The following TFDP2 variants were observed in gnomAD, a reference collection of about 807,000 sequenced individuals.
TFDP2 encodes transcription factor Dp-2 (E2F dimerization partner 2).
A neutral mutation model predicts 59.3 loss-of-function variants in TFDP2; 17 were observed. The observed-to-expected ratio is 0.29, with a 90% CI of 0.20 to 0.43. The LOEUF (loss-of-function observed/expected upper bound fraction) is 0.43, where lower values mean the gene tolerates loss of function less well. Among genes scored for constraint, TFDP2 ranks in the 20% least tolerant of loss-of-function variants. The pLI, the probability that TFDP2 is intolerant of heterozygous loss-of-function variation, is 1.00. For missense variants in TFDP2, 391 were observed against 528.8 expected, an observed-to-expected ratio of 0.74 and a Z score of 2.56; for synonymous variants, 180 against 194.7, an observed-to-expected ratio of 0.92 and a Z score of 0.63.
intron 4 of TFDP2, among the ~76,000 whole-genome samples, chr3:141,999,149 T>C (rs895952870): frequency 5.9e-5 from 9 of 152,156 alleles, no homozygotes; most frequent in African/African-American, 2.2e-4. Flanking sequence ...CTCCTCCCTC[T>C]TTCTCCTCCG....
At chr3:142,116,593 A>G (rs1342954940) in intron 1 of TFDP2, among the ~76,000 whole-genome samples, 2 of 152,132 alleles carry the variant, frequency 1.3e-5, no homozygotes, top group African/African-American at 4.8e-5. Context: ...TGTAGGAAAT[A>G]AGTTTCTGTT....
intron 3 of TFDP2, among the ~76,000 whole-genome samples, chr3:142,012,487 T>A (rs1241941274): frequency 6.6e-6 from 1 of 152,200 alleles, no homozygotes; most frequent in Non-Finnish European, 1.5e-5. Context: ...AGAACAATTC[T>A]ACATGTCCTG....
At chr3:142,127,496 A>G (rs1390145019) in intron 1 of TFDP2, among the ~76,000 whole-genome samples, 1 of 151,892 alleles carries the variant, frequency 6.6e-6, no homozygotes, top group Non-Finnish European at 1.5e-5. Flanking sequence ...TTGTAAAAAT[A>G]CAAATAATTT....
At chr3:142,093,792 T>C (rs1258737587) in intron 2 of TFDP2, among the ~76,000 whole-genome samples, 1 of 152,204 alleles carries the variant, frequency 6.6e-6, no homozygotes, top group African/African-American at 2.4e-5. Context: ...TCAAGCCTAC[T>C]AGGGGTTTGG....
chr3:141,994,469 G>C (rs1053626987), intron 5 of TFDP2: 6 of 151,992 alleles, frequency 3.9e-5, no homozygotes, highest in Non-Finnish European at 7.4e-5. Flanking sequence ...AGTGGAGAAA[G>C]GTATAAGTAT....
intron 3 of TFDP2, among the ~76,000 whole-genome samples, chr3:142,048,465 A>G (rs1456633741): frequency 6.6e-6 from 1 of 152,058 alleles, no homozygotes; most frequent in Admixed American, 6.6e-5. Context: ...GTAGAGGTAT[A>G]GTTTTCTAAA....
intron 8 of TFDP2, among the ~76,000 whole-genome samples, chr3:141,973,472 C>G (rs575040865): frequency 2.6e-5 from 4 of 152,104 alleles, no homozygotes; most frequent in African/African-American, 9.7e-5. Context: ...AGGGAACATG[C>G]TCATTTAGGA....
chr3:142,068,480 C>T (rs2060141739), intron 3 of TFDP2, among the ~76,000 whole-genome samples: 1 of 152,228 alleles, frequency 6.6e-6, no homozygotes, highest in South Asian at 2.1e-4. Context: ...TTTTCCACTA[C>T]CAGATAACCA....
intron 8 of TFDP2, among the ~76,000 whole-genome samples, chr3:141,972,664 C>T (rs565870853): frequency 3.3e-5 from 5 of 152,150 alleles, no homozygotes; most frequent in Non-Finnish European, 7.3e-5. Flanking sequence ...TAAAGCCCTC[C>T]CTCAGCCCTC....
Position 142,135,155 on chromosome 3 carries a change from C to G in TFDP2, c.-93+14028G>C, listed in dbSNP as rs370862372. On this transcript the variant is annotated intron_variant, in intron 1 of 12. Transcript: ENST00000489671. The stretch of plus-strand genomic sequence containing the variant: ...CATCGCCCAGGCTAGAAAGCAGTAG[C>G]TATACATAGGCAGGATCATAGCATA... Among the ~76,000 whole-genome samples the G allele has an allele frequency of 1.6e-4, 24 of 152,144 alleles. No individual in the cohort carries two copies. In the East Asian group the frequency reaches 3.7e-3, roughly 23 times the overall value.
chr3:141,974,043 C>T lies in TFDP2; in HGVS notation c.663+5G>A, dbSNP rs1417255526. ...AGCTATTCATAAACAGATTTTCTCA[C>T]TTACCTCCAGATTCTGACATTCCTG... On this transcript the variant is annotated splice_donor_5th_base_variant and intron_variant, in intron 8 of 12. Coordinates refer to ENST00000489671, the MANE Select transcript of TFDP2 (RefSeq NM_001178139.2). 8 of 1,607,638 alleles carry T rather than the reference C, an allele frequency of 5.0e-6. No individual in the cohort carries two copies. Among genetic ancestry groups the T allele is most frequent in the African/African-American group, 1.3e-5 (1 of 74,744 alleles).
intron 1 of TFDP2, among the ~76,000 whole-genome samples, chr3:142,147,006 C>T (rs1403256568): frequency 1.4e-5 from 2 of 147,672 alleles, no homozygotes. Flanking sequence ...GGGAGGATCA[C>T]TTGAGCCCAG....
intron 1 of TFDP2, among the ~76,000 whole-genome samples, chr3:142,142,574 G>C (rs1202418060): frequency 6.6e-6 from 1 of 152,194 alleles, no homozygotes; most frequent in Non-Finnish European, 1.5e-5. Context: ...AAATGGCAAT[G>C]ACATGCTTCA....
rs1935074346 is a variant in TFDP2, at chr3:141,944,856, T to C, written c.*7657A>G. 1 of 152,214 alleles carries C rather than the reference T, an allele frequency of 6.6e-6. No individual in the cohort carries two copies. Among genetic ancestry groups the C allele is most frequent in the Admixed American group, 6.5e-5 (1 of 15,270 alleles). The allele number at this position is 152,214 out of a possible 1,614,324, so 9.4% of individuals were successfully genotyped here. ...AAAATAATGGCATTTATTTACAAAGTCTGAGATACTACAAAATAATATATC... is the reference window on the plus strand; with the variant it reads ...AAAATAATGGCATTTATTTACAAAGCCTGAGATACTACAAAATAATATATC... On this transcript the variant is annotated 3_prime_UTR_variant, in exon 13 of 13. Coordinates refer to ENST00000489671, the MANE Select transcript of TFDP2 (RefSeq NM_001178139.2).
At chr3:142,111,128 T>C (rs1210336322) in intron 1 of TFDP2, among the ~76,000 whole-genome samples, 1 of 151,854 alleles carries the variant, frequency 6.6e-6, no homozygotes, top group Non-Finnish European at 1.5e-5. Flanking sequence ...GATGGAGACA[T>C]AAAAGATTCA....
Position 141,947,191 on chromosome 3 carries a change from A to C in TFDP2, c.*5322T>G, listed in dbSNP as rs959103305. On this transcript the variant is annotated 3_prime_UTR_variant, in exon 13 of 13. Transcript: ENST00000489671. ...ATGGCATGGTGCAGGCTCCTGATACATAGTGTGGGTCTTTGGGAAATGCAT... is the reference window on the plus strand; with the variant it reads ...ATGGCATGGTGCAGGCTCCTGATACCTAGTGTGGGTCTTTGGGAAATGCAT... The C allele has an allele frequency of 6.6e-6, 1 of 152,188 alleles. No homozygotes were observed. Among genetic ancestry groups the C allele is most frequent in the Non-Finnish European group, 1.5e-5 (1 of 68,046 alleles). 9.4% of individuals were successfully genotyped at this position (152,188 alleles called of 1,614,324 possible).
At chr3:141,969,965 G>T (rs1939463087) in intron 9 of TFDP2, 108 bp downstream of exon 9, 3 of 1,074,420 alleles carry the variant, frequency 2.8e-6, no homozygotes, top group Non-Finnish European at 4.3e-6. Flanking sequence ...CCCTGGCGTG[G>T]GCTCACCACA....
chr3:142,075,969 A>C (rs1264810603), intron 3 of TFDP2, among the ~76,000 whole-genome samples: 1 of 150,440 alleles, frequency 6.6e-6, no homozygotes, highest in Admixed American at 6.6e-5. Context: ...CCAGCACTTC[A>C]GGAGGCTGAG....
At position 141,946,482 on chromosome 3, in the gene TFDP2, C is replaced by T. The variant is rs1205220264; in HGVS notation, c.*6031G>A. 2.0e-5 allele frequency: 3 copies of T among 152,200 alleles called. No homozygotes were observed. Among genetic ancestry groups the T allele is most frequent in the Non-Finnish European group, 4.4e-5 (3 of 68,030 alleles). The allele number at this position is 152,200 out of a possible 1,614,324, so 9.4% of individuals were successfully genotyped here. A position where few individuals can be genotyped will look rare whatever the true frequency, so the allele number is the denominator to read the frequency against. ...ACACATTATAAATGAGCACTTTCTCCTATCTCAGCACCCTGGTGAATGGGT... is the reference window on the plus strand; with the variant it reads ...ACACATTATAAATGAGCACTTTCTCTTATCTCAGCACCCTGGTGAATGGGT... On this transcript the variant is annotated 3_prime_UTR_variant, in exon 13 of 13. Coordinates refer to ENST00000489671, the MANE Select transcript of TFDP2 (RefSeq NM_001178139.2).
Sources: gnomAD v4.1 joint callset for allele counts (sites outside exome capture counted in the v4.1 genomes callset) on GRCh38, gnomAD v4.1.1 for gene constraint, MANE v1.5 for transcripts, NCBI Gene and HGNC (gene_info 2026-07-23, HGNC 2026-07-21) for gene names.